The following FRMD4B variants were observed in gnomAD, a reference collection of about 807,000 sequenced individuals.
FRMD4B encodes the protein FERM domain-containing protein 4B.
A neutral mutation model predicts 141.5 loss-of-function variants in FRMD4B; 74 were observed. The ratio of observed to expected loss-of-function variants is 0.52; its 90% CI spans 0.43 to 0.63. FRMD4B has a LOEUF of 0.63. FRMD4B is among the 30% of genes least tolerant of loss of function. FRMD4B has a pLI of 0.00. For missense variants in FRMD4B, 1,366 were observed against 1,253.4 expected (o/e 1.09, Z -1.36); for synonymous variants, 506 against 467.9 (o/e 1.08, Z -1.05).
At chr3:69,455,260 G>A (rs774062266) in intron 1 of FRMD4B, among the ~76,000 whole-genome samples, 4 of 152,204 alleles carry the variant, frequency 2.6e-5, no homozygotes, top group East Asian at 1.9e-4. Context: ...GCTGCCAGAG[G>A]CCACAGCAGT....
chr3:69,242,749 C>T (rs1311657991), intron 7 of FRMD4B, among the ~76,000 whole-genome samples: 1 of 150,392 alleles, frequency 6.6e-6, no homozygotes, highest in African/African-American at 2.4e-5. Flanking sequence ...AATCCCAGCA[C>T]TTTGGGAGGC....
intron 1 of FRMD4B, among the ~76,000 whole-genome samples, chr3:69,354,654 A>G (rs759873977): frequency 6.6e-6 from 1 of 152,116 alleles, no homozygotes; most frequent in Non-Finnish European, 1.5e-5. Context: ...AGCTCAAAGA[A>G]TTTGCCTGGG....
upstream of FRMD4B, among the ~76,000 whole-genome samples, chr3:69,386,533 A>G (rs1704260104): frequency 6.6e-6 from 1 of 152,042 alleles, no homozygotes; most frequent in East Asian, 1.9e-4. Flanking sequence ...CACACTGATA[A>G]AACACCTCTG....
intron 8 of FRMD4B, among the ~76,000 whole-genome samples, chr3:69,224,058 G>A (rs2093225361): frequency 6.6e-6 from 1 of 152,070 alleles, no homozygotes; most frequent in South Asian, 2.1e-4. Context: ...TGAAACCAAG[G>A]AGAATATATT....
At chr3:69,441,086 T>C (rs1705334356) in intron 1 of FRMD4B, among the ~76,000 whole-genome samples, 3 of 152,192 alleles carry the variant, frequency 2.0e-5, no homozygotes, top group Admixed American at 6.5e-5. Flanking sequence ...AATCTGAAGA[T>C]AGCAAATCAT....
At chr3:69,343,587 T>TTTA (rs1702821672) in intron 1 of FRMD4B, among the ~76,000 whole-genome samples, 1 of 148,936 alleles carries the variant, frequency 6.7e-6, no homozygotes, top group African/African-American at 2.5e-5. Flanking sequence ...GTTTTTTTTT[T>TTTA]TTTTTTTTTT....
At chr3:69,337,099 A>G (rs182255088) in intron 1 of FRMD4B, among the ~76,000 whole-genome samples, 10 of 152,306 alleles carry the variant, frequency 6.6e-5, no homozygotes, top group South Asian at 4.1e-4. Context: ...TACTGGTATC[A>G]AAACAGAGAT....
Position 69,461,390 on chromosome 3 carries a change from C to A in FRMD4B, c.-128-28629G>T, listed in dbSNP as rs1055445039. On this transcript the variant is annotated intron_variant, in intron 1 of 5. Transcript: ENST00000459638. ...CCTGGGAAACATAGTGAGACCCCCCCCATCTCTAAAATAAATAAATCAATA... is the reference window on the plus strand; with the variant it reads ...CCTGGGAAACATAGTGAGACCCCCCACATCTCTAAAATAAATAAATCAATA... Among the ~76,000 whole-genome samples, 5 of 139,720 alleles carry A rather than the reference C, an allele frequency of 3.6e-5. No homozygotes were observed. In the East Asian group the frequency reaches 6.2e-4, roughly 17 times the overall value. The allele number at this position is 139,720 out of a possible 152,430, so 91.7% of individuals were successfully genotyped here. A position where few individuals can be genotyped will look rare whatever the true frequency, so the allele number is the denominator to read the frequency against.
At chr3:69,290,612 T>C (rs1040422691) in intron 4 of FRMD4B, among the ~76,000 whole-genome samples, 1 of 152,174 alleles carries the variant, frequency 6.6e-6, no homozygotes, top group Non-Finnish European at 1.5e-5. Flanking sequence ...TGAGCAGGCT[T>C]CCAGTGGGCA....
At chr3:69,540,690 C>CAT (rs1461598187) in intron 1 of FRMD4B, among the ~76,000 whole-genome samples, 14,456 of 124,616 alleles carry the variant, frequency 0.12, 1,033 homozygotes, top group Non-Finnish European at 0.13. Flanking sequence ...CACACACACA[C>CAT]ACGGCAGTTA....
intron 2 of FRMD4B, among the ~76,000 whole-genome samples, chr3:69,414,067 A>G (rs1319376117): frequency 6.6e-6 from 1 of 152,154 alleles, no homozygotes; most frequent in African/African-American, 2.4e-5. Flanking sequence ...GTTCCTCAAA[A>G]CACATATGTT....
chr3:69,188,027 T>C (rs2092789126), intron 18 of FRMD4B, 110 bp from the exon 19 acceptor site: 1 of 662,894 alleles, frequency 1.5e-6, no homozygotes, highest in Non-Finnish European at 2.7e-6. Context: ...GAACAAAGTG[T>C]TCTTCCAAAG....
intron 5 of FRMD4B, among the ~76,000 whole-genome samples, chr3:69,272,612 C>A (rs1316036979): frequency 6.6e-6 from 1 of 152,222 alleles, no homozygotes; most frequent in African/African-American, 2.4e-5. Context: ...CATATGCAAA[C>A]ACTCTGAAAT....
chr3:69,311,150 C>T (rs1473191051), intron 3 of FRMD4B, 113 bp downstream of exon 3: 11 of 529,514 alleles, frequency 2.1e-5, no homozygotes, highest in Non-Finnish European at 3.1e-5. Flanking sequence ...TTTAGCTAAG[C>T]AGGACATGTT....
intron 2 of FRMD4B, among the ~76,000 whole-genome samples, chr3:69,422,222 T>A (rs558280127): frequency 2.6e-5 from 4 of 151,786 alleles, no homozygotes; most frequent in Non-Finnish European, 4.4e-5. Context: ...TGAAACCCCG[T>A]CTCCACTAAA....
At chr3:69,228,401 G>A (rs1180256247) in intron 7 of FRMD4B, 1 of 456,904 alleles carries the variant, frequency 2.2e-6, no homozygotes, top group African/African-American at 2.0e-5. Flanking sequence ...GCTGAGAAAT[G>A]TAAGTCAAAC....
At chr3:69,511,977 G>A (rs1706697204) in intron 1 of FRMD4B, among the ~76,000 whole-genome samples, 1 of 152,190 alleles carries the variant, frequency 6.6e-6, no homozygotes, top group African/African-American at 2.4e-5. Flanking sequence ...ATGAGTACAA[G>A]TAGAAAGCAA....
At chr3:69,337,207 AG>A (rs1299212422) in intron 1 of FRMD4B, among the ~76,000 whole-genome samples, 1 of 152,196 alleles carries the variant, frequency 6.6e-6, no homozygotes, top group Admixed American at 6.5e-5. Flanking sequence ...CAATGGGGAA[AG>A]GATTCCCTAT....
At chr3:69,327,114 G>C (rs1298940265) in intron 1 of FRMD4B, among the ~76,000 whole-genome samples, 1 of 152,150 alleles carries the variant, frequency 6.6e-6, no homozygotes, top group Non-Finnish European at 1.5e-5. Context: ...AGAAATGAAA[G>C]TTCTCCAGTT....
Sources: gnomAD v4.1 joint callset for allele counts (sites outside exome capture counted in the v4.1 genomes callset) on GRCh38, gnomAD v4.1.1 for gene constraint, MANE v1.5 for transcripts, NCBI Gene and HGNC (gene_info 2026-07-23, HGNC 2026-07-21) for gene names.